Variants in TMEM117 observed in about 807,000 individuals in gnomAD.
TMEM117 encodes transmembrane protein 117.
In TMEM117, 27 loss-of-function variants were observed where a neutral mutation model predicts 52.4. The ratio of observed to expected loss-of-function variants is 0.51; its 90% CI spans 0.38 to 0.71. The LOEUF (loss-of-function observed/expected upper bound fraction) is 0.71, where lower values mean the gene tolerates loss of function less well. TMEM117 is among the 30% of genes least tolerant of loss of function. The pLI is 0.00. For missense variants in TMEM117, 556 were observed against 630.5 expected, an observed-to-expected ratio of 0.88 and a Z score of 1.26; for synonymous variants, 215 against 206.3, an observed-to-expected ratio of 1.04 and a Z score of -0.36.
At chr12:43,987,345 A>G (rs1945865294) in intron 3 of TMEM117, among the ~76,000 whole-genome samples, 1 of 152,192 alleles carries the variant, frequency 6.6e-6, no homozygotes, top group African/African-American at 2.4e-5. Flanking sequence ...GATATTTCTT[A>G]TGGCACACTC....
intron 6 of TMEM117, among the ~76,000 whole-genome samples, chr12:44,361,566 A>G (rs1446106018): frequency 6.6e-6 from 1 of 152,178 alleles, no homozygotes; most frequent in Non-Finnish European, 1.5e-5. Flanking sequence ...CACTTATTAA[A>G]TATTGGTGAA....
chr12:44,083,919 A>G (rs1210195298), intron 3 of TMEM117, among the ~76,000 whole-genome samples: 2 of 152,072 alleles, frequency 1.3e-5, no homozygotes, highest in Non-Finnish European at 2.9e-5. Flanking sequence ...TTTGTATTAA[A>G]TTAATTTTCC....
chr12:44,024,447 A>G (rs1390023276), intron 3 of TMEM117, among the ~76,000 whole-genome samples: 4 of 152,180 alleles, frequency 2.6e-5, no homozygotes, highest in Non-Finnish European at 4.4e-5. Flanking sequence ...GAGTGCATGT[A>G]CTGATGAGAA....
the TMEM117 span, chr12:43,797,886 C>A: frequency 6.4e-7 from 1 of 1,564,494 alleles, no homozygotes. Flanking sequence ...TATCCTATGG[C>A]AAACATAAGA....
intron 4 of TMEM117, among the ~76,000 whole-genome samples, chr12:44,155,234 C>A (rs1464299729): frequency 6.6e-6 from 1 of 152,038 alleles, no homozygotes; most frequent in Non-Finnish European, 1.5e-5. Flanking sequence ...TCTCTTACTT[C>A]TTCATGAATC....
At chr12:44,016,571 A>G (rs950960270) in intron 3 of TMEM117, among the ~76,000 whole-genome samples, 10 of 152,186 alleles carry the variant, frequency 6.6e-5, no homozygotes, top group Non-Finnish European at 1.2e-4. Flanking sequence ...ATTTCAATCA[A>G]TGAGTGTTTT....
At chr12:43,948,315 T>TC (rs1290619296) in intron 3 of TMEM117, among the ~76,000 whole-genome samples, 1 of 152,042 alleles carries the variant, frequency 6.6e-6, no homozygotes, top group East Asian at 1.9e-4. Context: ...CTTTATTCTT[T>TC]TTTTTTTTGA....
intron 3 of TMEM117, among the ~76,000 whole-genome samples, chr12:43,999,793 G>T (rs181906981): frequency 5.9e-5 from 9 of 152,174 alleles, no homozygotes; most frequent in Non-Finnish European, 1.0e-4. Flanking sequence ...TGCCCGGCTG[G>T]ATATAGATGG....
intron 6 of TMEM117, among the ~76,000 whole-genome samples, chr12:44,332,149 T>A (rs189263013): frequency 6.6e-5 from 10 of 152,044 alleles, no homozygotes; most frequent in Non-Finnish European, 1.3e-4. Flanking sequence ...TTACCAGCTC[T>A]GGCACACTGG....
chr12:44,100,565 T>C (rs1294542650), intron 3 of TMEM117, among the ~76,000 whole-genome samples: 1 of 152,020 alleles, frequency 6.6e-6, no homozygotes, highest in Non-Finnish European at 1.5e-5. Flanking sequence ...ATATAATGCT[T>C]GATGATACTT....
chr12:44,007,879 G>A (rs1946225637), intron 3 of TMEM117, among the ~76,000 whole-genome samples: 1 of 152,052 alleles, frequency 6.6e-6, no homozygotes, highest in African/African-American at 2.4e-5. Context: ...TGCCATGATT[G>A]TGAGGCCTCC....
intron 3 of TMEM117, chr12:44,009,847 TG>T: frequency 3.7e-6 from 1 of 268,748 alleles, no homozygotes; most frequent in South Asian, 6.6e-5. Flanking sequence ...TTGTGCAAAA[TG>T]GTCAGGAACT....
intron 4 of TMEM117, among the ~76,000 whole-genome samples, chr12:44,159,735 C>T (rs984911154): frequency 2.6e-5 from 4 of 151,980 alleles, no homozygotes; most frequent in Non-Finnish European, 5.9e-5. Flanking sequence ...CGTAAACATG[C>T]CATTAAAAGT....
downstream of TMEM117, among the ~76,000 whole-genome samples, chr12:44,393,513 G>C (rs188905009): frequency 3.3e-5 from 5 of 151,906 alleles, no homozygotes; most frequent in Admixed American, 3.3e-4. Flanking sequence ...CTCAGGCTTA[G>C]AGAGGTTTTT....
At chr12:44,294,921 TTGAC>T (rs1395296729) in intron 5 of TMEM117, among the ~76,000 whole-genome samples, 1 of 152,296 alleles carries the variant, frequency 6.6e-6, no homozygotes, top group East Asian at 1.9e-4. Flanking sequence ...CAAACTGTGG[TTGAC>T]TGACTGTAGG....
chr12:44,365,164 A>G (rs1474733044), intron 6 of TMEM117, among the ~76,000 whole-genome samples: 3 of 152,214 alleles, frequency 2.0e-5, no homozygotes, highest in Admixed American at 6.6e-5. Flanking sequence ...AGTTAAATGC[A>G]TATCTCAGCC....
At chr12:44,092,546 A>G (rs1326642558) in intron 3 of TMEM117, among the ~76,000 whole-genome samples, 2 of 152,208 alleles carry the variant, frequency 1.3e-5, no homozygotes, top group Admixed American at 1.3e-4. Context: ...ATCCAGAGGC[A>G]TATTGAAATA....
intron 2 of TMEM117, among the ~76,000 whole-genome samples, chr12:43,886,517 C>T (rs1218784335): frequency 6.6e-6 from 1 of 152,086 alleles, no homozygotes; most frequent in Non-Finnish European, 1.5e-5. Context: ...ATTCAAACAG[C>T]TTGCATAGCT....
At chr12:44,170,927 A>G (rs1483010171) in intron 4 of TMEM117, among the ~76,000 whole-genome samples, 3 of 152,168 alleles carry the variant, frequency 2.0e-5, no homozygotes, top group African/African-American at 7.2e-5. Context: ...ATCTTATTCA[A>G]ATTTTGCCAA....
Sources: allele counts gnomAD v4.1 joint callset (sites outside exome capture counted in the v4.1 genomes callset), GRCh38; gene constraint gnomAD v4.1.1; transcripts MANE v1.5; gene names NCBI Gene and HGNC (gene_info 2026-07-23, HGNC 2026-07-21).